Variants in FRMPD1 observed in about 807,000 individuals in gnomAD.
The protein encoded by FRMPD1 is FERM and PDZ domain containing 1.
Under a neutral mutation model 117.8 loss-of-function variants are expected in FRMPD1, and 76 were observed. The observed-to-expected ratio is 0.65, with a 90% CI of 0.54 to 0.78. The LOEUF (loss-of-function observed/expected upper bound fraction) is 0.78. Among genes scored for constraint, FRMPD1 ranks in the 30% least tolerant of loss-of-function variants. The pLI is 0.00. For synonymous variants in FRMPD1, 783 were observed against 770.4 expected (o/e 1.02, Z -0.27); for missense variants, 1,786 against 1,964.5 (o/e 0.91, Z 1.72).
At chr9:37,654,304 C>G (rs1420605891) in intron 1 of FRMPD1, among the ~76,000 whole-genome samples, 1 of 152,164 alleles carries the variant, frequency 6.6e-6, no homozygotes, top group African/African-American at 2.4e-5. Context: ...GTGGTCAGGG[C>G]AGGCCTATCT....
intron 2 of FRMPD1, among the ~76,000 whole-genome samples, chr9:37,695,857 T>C (rs1822300860): frequency 6.6e-6 from 1 of 152,154 alleles, no homozygotes. Flanking sequence ...ACTCTGCAGC[T>C]ATAGTGGACT....
chr9:37,639,606 A>C, the FRMPD1 span, among the ~76,000 whole-genome samples: 2 of 152,342 alleles, frequency 1.3e-5, no homozygotes, highest in East Asian at 3.9e-4. Flanking sequence ...AACACCTCTC[A>C]GTAAAAGTAA....
At chr9:37,617,121 A>C in the FRMPD1 span, among the ~76,000 whole-genome samples, 1 of 152,236 alleles carries the variant, frequency 6.6e-6, no homozygotes, top group African/African-American at 2.4e-5. Context: ...ACGCCCAAGA[A>C]ACTGTAACCT....
intron 15 of FRMPD1, among the ~76,000 whole-genome samples, chr9:37,741,466 C>CAT (rs1222734503): frequency 9.2e-6 from 1 of 108,948 alleles, no homozygotes; most frequent in Non-Finnish European, 2.2e-5. Context: ...CACACACACA[C>CAT]ACACACACAC....
intron 1 of FRMPD1, among the ~76,000 whole-genome samples, chr9:37,670,263 G>A (rs541103908): frequency 1.2e-4 from 18 of 152,206 alleles, no homozygotes; most frequent in Middle Eastern, 3.4e-3. Flanking sequence ...AGACGTATTC[G>A]AGTTTATCAG....
chr9:37,738,869 G>A, intron 14 of FRMPD1, among the ~76,000 whole-genome samples: 1 of 152,152 alleles, frequency 6.6e-6, no homozygotes, highest in East Asian at 1.9e-4. Context: ...TCAAGGCCGA[G>A]GGGGCCTGGA....
chr9:37,616,401 G>A, the FRMPD1 span, among the ~76,000 whole-genome samples: 1 of 152,156 alleles, frequency 6.6e-6, no homozygotes, highest in Non-Finnish European at 1.5e-5. Flanking sequence ...ACAGGCATGA[G>A]CCACTGCGCC....
chr9:37,746,133 C>T lies in FRMPD1; in HGVS notation c.4101C>T (p.Thr1367=), dbSNP rs748264571. ...DLEAHPMAPL[T]SPPSAGSPVV... ...AAGCACACCCCATGGCCCCCCTCAC[C>T]TCACCGCCCTCTGCGGGAAGCCCGG... The change falls in exon 16 of 16, where the codon ACC becomes ACT. Residue 1367 remains threonine, a synonymous_variant. Coordinates refer to ENST00000377765, the MANE Select transcript of FRMPD1 (RefSeq NM_014907.3). 1 of 1,614,072 alleles carries T rather than the reference C, an allele frequency of 6.2e-7. No individual in the cohort carries two copies. The highest frequency in any genetic ancestry group is 8.5e-7 in the Non-Finnish European group (1 of 1,180,024).
chr9:37,660,357 G>T (rs910384416), intron 1 of FRMPD1, among the ~76,000 whole-genome samples: 6 of 152,106 alleles, frequency 3.9e-5, no homozygotes, highest in African/African-American at 1.2e-4. Flanking sequence ...AGCCCTAGTG[G>T]GTGACTAGGA....
the FRMPD1 span, chr9:37,637,078 G>A: frequency 3.2e-6 from 5 of 1,559,448 alleles, no homozygotes; most frequent in African/African-American, 6.8e-5. Context: ...TGGAAGTGAT[G>A]GTCCAGAACC....
At chr9:37,647,169 T>C (rs1190899925), upstream of FRMPD1, among the ~76,000 whole-genome samples, 1 of 152,160 alleles carries the variant, frequency 6.6e-6, no homozygotes, top group East Asian at 1.9e-4. Context: ...CATTTGATGC[T>C]ATCCTCTCAC....
chr9:37,686,682 C>A (rs887532525), intron 1 of FRMPD1, among the ~76,000 whole-genome samples: 28 of 152,170 alleles, frequency 1.8e-4, no homozygotes, highest in Admixed American at 9.2e-4. Context: ...TAATTAGAAC[C>A]ATGTATGTTT....
In FRMPD1 at chr9:37,690,614, A is replaced by G. The variant is rs114856114; in HGVS notation, c.-4-2024A>G. ...TGGCAGCAAGTTACCTTTTCCCTGC[A>G]GGGATCCCGAAAATGTCAATATCTG... On this transcript the variant is annotated intron_variant, in intron 1 of 15. Transcript: ENST00000377765. Among the ~76,000 whole-genome samples, 595 of 152,314 alleles carry G rather than the reference A, an allele frequency of 3.9e-3. 6 individuals are homozygous for G. Among genetic ancestry groups the G allele is most frequent in the African/African-American group, 0.014 (580 of 41,578 alleles).
chr9:37,639,370 G>A, the FRMPD1 span, among the ~76,000 whole-genome samples: 36 of 152,074 alleles, frequency 2.4e-4, no homozygotes, highest in African/African-American at 7.2e-4. Context: ...TCTGGGTGTC[G>A]CCATGTTTCC....
At chr9:37,723,346 T>C (rs1823478713) in intron 6 of FRMPD1, among the ~76,000 whole-genome samples, 1 of 152,188 alleles carries the variant, frequency 6.6e-6, no homozygotes, top group Non-Finnish European at 1.5e-5. Context: ...GTGCTATCAG[T>C]ACGCTCGTAG....
At chr9:37,658,331 G>T (rs1378579769) in intron 1 of FRMPD1, among the ~76,000 whole-genome samples, 1 of 152,158 alleles carries the variant, frequency 6.6e-6, no homozygotes, top group Non-Finnish European at 1.5e-5. Flanking sequence ...GCACTTTGGC[G>T]TCAGAGAGAC....
the FRMPD1 span, among the ~76,000 whole-genome samples, chr9:37,630,526 T>A: frequency 2.0e-5 from 3 of 152,004 alleles, no homozygotes; most frequent in Admixed American, 1.3e-4. Context: ...GATTACAGGC[T>A]TGGGCCACCA....
chr9:37,664,296 TG>T (rs1821090464), intron 1 of FRMPD1, among the ~76,000 whole-genome samples: 1 of 147,700 alleles, frequency 6.8e-6, no homozygotes, highest in African/African-American at 2.6e-5. Context: ...TATGTATGTA[TG>T]TATGTATGTA....
the FRMPD1 span, among the ~76,000 whole-genome samples, chr9:37,607,071 T>A: frequency 2.6e-5 from 4 of 152,116 alleles, no homozygotes; most frequent in African/African-American, 9.7e-5. Flanking sequence ...TCCCAGCACT[T>A]TGGGAGGCCG....
Sources: allele counts gnomAD v4.1 joint callset (sites outside exome capture counted in the v4.1 genomes callset), GRCh38; gene constraint gnomAD v4.1.1; transcripts MANE v1.5; gene names NCBI Gene and HGNC (gene_info 2026-07-23, HGNC 2026-07-21).